The following NAV2 variants were observed in gnomAD, a reference collection of about 807,000 sequenced individuals.
The protein encoded by NAV2 is helicase, APC down-regulated 1.
Under a neutral mutation model 223.2 loss-of-function variants are expected in NAV2, and 54 were observed. That is an observed-to-expected ratio of 0.24 (90% CI 0.19 to 0.30). The LOEUF (loss-of-function observed/expected upper bound fraction) is 0.30. Among genes scored for constraint, NAV2 ranks in the 10% least tolerant of loss-of-function variants. The probability of loss-of-function intolerance (pLI) is 1.00; values close to 1 mark genes in which losing one functional copy is unlikely to be tolerated. For missense variants in NAV2, 2,806 were observed against 3,147.5 expected (o/e 0.89, Z 2.60); for synonymous variants, 1,279 against 1,239.3 (o/e 1.03, Z -0.67).
chr11:19,782,628 C>T (rs1319722770), intron 1 of NAV2, among the ~76,000 whole-genome samples: 1 of 152,088 alleles, frequency 6.6e-6, no homozygotes, highest in African/African-American at 2.4e-5. Flanking sequence ...ACACATGGAC[C>T]AGGCTGCCAT....
At chr11:19,520,773 C>T (rs921150588) in intron 1 of NAV2, among the ~76,000 whole-genome samples, 2 of 152,240 alleles carry the variant, frequency 1.3e-5, no homozygotes, top group African/African-American at 2.4e-5. Context: ...AGTGGTGTGT[C>T]TCCAGGTACC....
intron 1 of NAV2, among the ~76,000 whole-genome samples, chr11:19,526,324 T>C (rs984629362): frequency 6.6e-6 from 1 of 152,194 alleles, no homozygotes; most frequent in Non-Finnish European, 1.5e-5. Context: ...TTAGGTAATA[T>C]CTTGCATAAC....
intron 1 of NAV2, among the ~76,000 whole-genome samples, chr11:19,355,178 C>T (rs1853547682): frequency 6.6e-6 from 1 of 151,516 alleles, no homozygotes; most frequent in African/African-American, 2.4e-5. Context: ...CTCTACTCTT[C>T]TTTAGAAGTT....
chr11:19,420,267 A>C (rs1256777580), intron 1 of NAV2, among the ~76,000 whole-genome samples: 5 of 152,218 alleles, frequency 3.3e-5, no homozygotes, highest in Non-Finnish European at 7.3e-5. Context: ...GGCTAATTAA[A>C]AAGATAAAAA....
intron 5 of NAV2, among the ~76,000 whole-genome samples, chr11:19,882,115 T>C (rs2063251716): frequency 2.0e-5 from 3 of 152,198 alleles, no homozygotes; most frequent in African/African-American, 7.2e-5. Context: ...GTAGAAAGAC[T>C]GGATCTGATT....
chr11:19,582,857 CG>C lies in NAV2; in HGVS notation c.75+231833del, dbSNP rs568434815. On this transcript the variant is annotated intron_variant, in intron 1 of 37. Coordinates refer to the NAV2 transcript ENST00000360655. Reference sequence around the variant, plus strand: ...TTGACTTAGGATTGACTTGGCAATGCGGGCTCTTTTTTGGTTCCATATGAAC... The same window carrying C: ...TTGACTTAGGATTGACTTGGCAATGCGGCTCTTTTTTGGTTCCATATGAAC... Among the ~76,000 whole-genome samples, 273 of 152,158 alleles carry C rather than the reference CG, an allele frequency of 1.8e-3. 1 individual carries two copies. Among genetic ancestry groups the C allele is most frequent in the African/African-American group, 6.3e-3 (263 of 41,522 alleles).
chr11:20,078,158 C>A, intron 24 of NAV2, 54 bp downstream of exon 24: 1 of 1,257,846 alleles, frequency 8.0e-7, no homozygotes, highest in Non-Finnish European at 1.1e-6. Context: ...CTTAGGAGCC[C>A]TCCCCTGACA....
chr11:19,754,934 G>C (rs1004666786), intron 1 of NAV2, among the ~76,000 whole-genome samples: 1 of 152,022 alleles, frequency 6.6e-6, no homozygotes, highest in African/African-American at 2.4e-5. Flanking sequence ...TTTCTCTCCT[G>C]GATTCTTTCC....
intron 1 of NAV2, among the ~76,000 whole-genome samples, chr11:19,548,111 G>C (rs1379455564): frequency 2.6e-5 from 4 of 152,184 alleles, no homozygotes; most frequent in Non-Finnish European, 4.4e-5. Context: ...TAGTTCGTAG[G>C]ATAGGTTTAG....
chr11:19,935,851 G>GTTTTTTTTTTTTTGTTTTTTTT (rs2045813315), intron 7 of NAV2, among the ~76,000 whole-genome samples: 1 of 52,702 alleles, frequency 1.9e-5, no homozygotes, highest in Non-Finnish European at 3.4e-5. Context: ...TTTTGTTTCT[G>GTTTTTTTTTTTTTGTTTTTTTT]TTTTTTTTTT....
chr11:20,047,601 G>A (rs1338516155), intron 14 of NAV2, among the ~76,000 whole-genome samples: 1 of 152,192 alleles, frequency 6.6e-6, no homozygotes, highest in African/African-American at 2.4e-5. Flanking sequence ...GTCATCACTG[G>A]AAGTATGTAA....
intron 1 of NAV2, among the ~76,000 whole-genome samples, chr11:19,774,935 T>G (rs1170557204): frequency 6.6e-6 from 1 of 152,180 alleles, no homozygotes; most frequent in Non-Finnish European, 1.5e-5. Context: ...GATGTATAGA[T>G]CGTAAATGTT....
intron 1 of NAV2, among the ~76,000 whole-genome samples, chr11:19,768,441 G>A (rs2055416923): frequency 6.6e-6 from 1 of 152,044 alleles, no homozygotes; most frequent in Non-Finnish European, 1.5e-5. Context: ...GCACCCCTCC[G>A]AGAATGCCTG....
At chr11:19,706,170 C>T (rs1400815857) in intron 1 of NAV2, among the ~76,000 whole-genome samples, 2 of 152,180 alleles carry the variant, frequency 1.3e-5, no homozygotes, top group Non-Finnish European at 2.9e-5. Flanking sequence ...AAAGTAGTCA[C>T]AGTCTAAGTT....
chr11:19,880,255 G>A (rs911620044), intron 5 of NAV2, 128 bp downstream of exon 5: 35 of 1,318,024 alleles, frequency 2.7e-5, no homozygotes, highest in Non-Finnish European at 3.6e-5. Flanking sequence ...CTGGTGGTTA[G>A]TGGGAAATTA....
At chr11:19,772,817 G>A (rs1024856329) in intron 1 of NAV2, among the ~76,000 whole-genome samples, 5 of 152,172 alleles carry the variant, frequency 3.3e-5, no homozygotes, top group African/African-American at 7.2e-5. Flanking sequence ...GGCCCCCACC[G>A]TGTCTGAGCT....
At chr11:19,505,196 G>A (rs1292535597) in intron 1 of NAV2, 1 of 152,280 alleles carries the variant, frequency 6.6e-6, no homozygotes, top group Non-Finnish European at 1.5e-5. Flanking sequence ...CCTTGGGGAG[G>A]GTGGAAGAGC....
intron 6 of NAV2, among the ~76,000 whole-genome samples, chr11:19,920,930 C>A (rs2044223844): frequency 6.6e-6 from 1 of 152,172 alleles, no homozygotes; most frequent in African/African-American, 2.4e-5. Flanking sequence ...AATCTACCAC[C>A]AACTTGTCAC....
chr11:19,742,905 A>G (rs1331001366), intron 1 of NAV2, among the ~76,000 whole-genome samples: 6 of 152,192 alleles, frequency 3.9e-5, no homozygotes, highest in Non-Finnish European at 7.3e-5. Flanking sequence ...GTGGCGTTTC[A>G]CAGCAACACA....
Sources: gnomAD v4.1 joint callset for allele counts (sites outside exome capture counted in the v4.1 genomes callset) on GRCh38, gnomAD v4.1.1 for gene constraint, MANE v1.5 for transcripts, NCBI Gene and HGNC (gene_info 2026-07-23, HGNC 2026-07-21) for gene names.